GON4L: variants seen among roughly 807,000 people sequenced by gnomAD.
GON4L encodes gon-4 like.
A neutral mutation model predicts 211.8 loss-of-function variants in GON4L; 87 were observed. That is an observed-to-expected ratio of 0.41 (90% confidence interval 0.35 to 0.49). GON4L has a LOEUF of 0.49. Ranked by LOEUF, GON4L falls within the 20% of genes least tolerant of loss-of-function variation. The pLI is 0.15. For synonymous variants in GON4L, 875 were observed against 962.6 expected, an observed-to-expected ratio of 0.91 and a Z score of 1.68; for missense variants, 2,155 against 2,659.5, an observed-to-expected ratio of 0.81 and a Z score of 4.17.
chr1:155,809,437 T>C (rs1188213742), intron 10 of GON4L, among the ~76,000 whole-genome samples: 1 of 151,140 alleles, frequency 6.6e-6, no homozygotes, highest in Non-Finnish European at 1.5e-5. Context: ...TAAAAAACTA[T>C]TACTGCTCCT....
At chr1:155,748,131 A>C, downstream of GON4L, 1 of 1,592,288 alleles carries the variant, frequency 6.3e-7, no homozygotes. Context: ...TTATGATGTA[A>C]GTCTCGGTGC....
chr1:155,800,850 G>GAA (rs751271183), intron 11 of GON4L, among the ~76,000 whole-genome samples: 13 of 48,914 alleles, frequency 2.7e-4, no homozygotes, highest in East Asian at 1.3e-3. Context: ...CTCTGTCTCA[G>GAA]AAAAAAAAAA....
chr1:155,755,242 G>A (rs1661056831), intron 27 of GON4L, among the ~76,000 whole-genome samples: 1 of 151,294 alleles, frequency 6.6e-6, no homozygotes, highest in African/African-American at 2.4e-5. Context: ...AATTTTTTTT[G>A]TATTTTCAGT....
chr1:155,826,153 G>A (rs1389314052), intron 3 of GON4L, among the ~76,000 whole-genome samples: 2 of 152,140 alleles, frequency 1.3e-5, no homozygotes, highest in East Asian at 3.9e-4. Context: ...CAAGGCCACA[G>A]TAAGCCGTGA....
At chr1:155,770,624 G>A (rs1383708575) in intron 19 of GON4L, among the ~76,000 whole-genome samples, 2 of 152,198 alleles carry the variant, frequency 1.3e-5, no homozygotes, top group East Asian at 3.8e-4. Context: ...CAAGGCGGGT[G>A]GATCACTTGA....
chr1:155,778,226 G>A (rs905658544), intron 14 of GON4L, among the ~76,000 whole-genome samples: 3 of 151,814 alleles, frequency 2.0e-5, no homozygotes, highest in Non-Finnish European at 4.4e-5. Context: ...ATCCACTCAG[G>A]CTGCACTGCC....
At chr1:155,789,766 C>G (rs746666697) in intron 12 of GON4L, among the ~76,000 whole-genome samples, 4 of 151,934 alleles carry the variant, frequency 2.6e-5, no homozygotes, top group Non-Finnish European at 4.4e-5. Context: ...AGGAGCCAAT[C>G]TCCTGGAACC....
At chr1:155,753,069 C>G in intron 29 of GON4L, 135 bp downstream of exon 29, 2 of 676,904 alleles carry the variant, frequency 3.0e-6, no homozygotes, top group Non-Finnish European at 5.2e-6. Flanking sequence ...GAAGGGCTTC[C>G]TATGGGTCCA....
downstream of GON4L, chr1:155,747,805 T>TAGGC (rs778039117): frequency 4.3e-6 from 7 of 1,611,706 alleles, no homozygotes; most frequent in Admixed American, 8.4e-5. Context: ...TTCTCTGGGG[T>TAGGC]AGGCGCGAAG....
intron 16 of GON4L, among the ~76,000 whole-genome samples, chr1:155,775,620 G>A (rs1162224282): frequency 1.3e-5 from 2 of 151,682 alleles, no homozygotes; most frequent in South Asian, 2.1e-4. Context: ...TACCACGCCC[G>A]GCTATTTTTT....
At chr1:155,844,562 C>A (rs1379019789) in intron 2 of GON4L, among the ~76,000 whole-genome samples, 1 of 152,072 alleles carries the variant, frequency 6.6e-6, no homozygotes, top group Non-Finnish European at 1.5e-5. Flanking sequence ...TCAAGACCAG[C>A]CCGGGCAACA....
At chr1:155,783,380 C>G (rs1049398939) in intron 14 of GON4L, among the ~76,000 whole-genome samples, 5 of 152,172 alleles carry the variant, frequency 3.3e-5, no homozygotes, top group African/African-American at 1.2e-4. Flanking sequence ...ATCCTGACAT[C>G]TAGCCATCCA....
intron 15 of GON4L, 105 bp from the exon 16 acceptor site, chr1:155,776,586 T>C: frequency 1.1e-6 from 1 of 916,148 alleles, no homozygotes; most frequent in Non-Finnish European, 1.8e-6. Flanking sequence ...GATCTCTCTC[T>C]GTCACTCAGG....
At chr1:155,748,321 T>G (rs1660336314), downstream of GON4L, 14 of 1,428,674 alleles carry the variant, frequency 9.8e-6, no homozygotes. Context: ...CCCCTGGGTC[T>G]CTCTGGTGTT....
intron 11 of GON4L, among the ~76,000 whole-genome samples, chr1:155,798,789 C>T (rs754024996): frequency 6.6e-6 from 1 of 151,848 alleles, no homozygotes; most frequent in African/African-American, 2.4e-5. Context: ...GAGTAGTGTG[C>T]ACAGGTTTGG....
chr1:155,778,148 C>T (rs1452186601), intron 14 of GON4L, among the ~76,000 whole-genome samples: 1 of 152,118 alleles, frequency 6.6e-6, no homozygotes, highest in Admixed American at 6.6e-5. Context: ...GGTGGGAACT[C>T]ATCATTCTCA....
At chr1:155,754,337 A>G (rs780587001) in intron 28 of GON4L, 38 bp downstream of exon 28, 6 of 1,192,102 alleles carry the variant, frequency 5.0e-6, no homozygotes, top group Admixed American at 1.7e-5. Context: ...ATCCCCCAGC[A>G]GCTCTGATAC....
intron 24 of GON4L, among the ~76,000 whole-genome samples, chr1:155,758,452 A>G (rs1045046917): frequency 1.4e-3 from 220 of 152,364 alleles, no homozygotes; most frequent in African/African-American, 5.2e-3. Flanking sequence ...GAACAGCAAC[A>G]TACTGAGACT....
At position 155,789,442 on chromosome 1, in the gene GON4L, C is replaced by A. The variant is rs374378801; in HGVS notation, c.1748-4068G>T. Among the ~76,000 whole-genome samples, 9 of 151,180 alleles carry A rather than the reference C, an allele frequency of 6.0e-5. No individual in the cohort carries two copies. The East Asian group carries it at 1.6e-3, about 26-fold the overall frequency. The stretch of plus-strand genomic sequence containing the variant: ...GTCAGGAATTCGAGACCAGCCTGGC[C>A]AAGATGGTGAAACCCCGTCTCTACT... On this transcript the variant is annotated intron_variant, in intron 12 of 31. Transcript: ENST00000368331.
Sources: gnomAD v4.1 joint callset for allele counts (sites outside exome capture counted in the v4.1 genomes callset) on GRCh38, gnomAD v4.1.1 for gene constraint, MANE v1.5 for transcripts, NCBI Gene and HGNC (gene_info 2026-07-23, HGNC 2026-07-21) for gene names.